DLGAP2: variants seen among roughly 807,000 people sequenced by gnomAD.
DLGAP2 encodes DLG associated protein 2.
A neutral mutation model predicts 100.3 loss-of-function variants in DLGAP2; 26 were observed. The ratio of observed to expected loss-of-function variants is 0.26; its 90% CI spans 0.19 to 0.36. The LOEUF is 0.36. Ranked by LOEUF, DLGAP2 falls within the 10% of genes least tolerant of loss-of-function variation. DLGAP2 has a pLI of 1.00. For missense variants in DLGAP2, 1,858 were observed against 1,453.2 expected (o/e 1.28, Z -4.53); for synonymous variants, 886 against 630.1 (o/e 1.41, Z -6.08).
intron 2 of DLGAP2, among the ~76,000 whole-genome samples, chr8:1,186,140 T>C (rs1043835650): frequency 6.6e-6 from 1 of 152,192 alleles, no homozygotes; most frequent in Non-Finnish European, 1.5e-5. Flanking sequence ...TTTGCGCCCT[T>C]GTCTGCGGGC....
chr8:1,274,642 C>G lies in DLGAP2; in HGVS notation c.106+15759C>G, dbSNP rs186530174. ...CTTTGGATTTGTTTTAGAACATAAA[C>G]CATAAAATGAGTGACTTTGGATTTG... On this transcript the variant is annotated intron_variant, in intron 3 of 14. Coordinates refer to ENST00000637795, the MANE Select transcript of DLGAP2 (RefSeq NM_001346810.2). 3.6e-4 allele frequency among the ~76,000 whole-genome samples: 52 copies of G among 144,838 alleles called. 1 individual carries two copies. Among genetic ancestry groups the G allele is most frequent in the African/African-American group, 1.0e-3 (40 of 39,178 alleles).
intron 2 of DLGAP2, among the ~76,000 whole-genome samples, chr8:1,001,147 C>G (rs1800944414): frequency 6.6e-6 from 1 of 152,168 alleles, no homozygotes; most frequent in Non-Finnish European, 1.5e-5. Context: ...GTGTGTGCCC[C>G]TTTTTCTTGT....
intron 3 of DLGAP2, among the ~76,000 whole-genome samples, chr8:1,467,748 G>A (rs1013952277): frequency 6.6e-6 from 1 of 152,182 alleles, no homozygotes; most frequent in Admixed American, 6.5e-5. Context: ...CTGCCAGTAA[G>A]GGGGGCAGAG....
At chr8:1,494,491 G>A (rs929269827) in intron 3 of DLGAP2, among the ~76,000 whole-genome samples, 8 of 152,212 alleles carry the variant, frequency 5.3e-5, no homozygotes, top group African/African-American at 1.9e-4. Flanking sequence ...AGCACTTTGG[G>A]AGGCCAAGGT....
At chr8:1,538,087 G>A (rs1396814420) in intron 4 of DLGAP2, among the ~76,000 whole-genome samples, 2 of 152,096 alleles carry the variant, frequency 1.3e-5, no homozygotes, top group Non-Finnish European at 2.9e-5. Flanking sequence ...TGCAGGGCTC[G>A]GGGCTGCTGA....
chr8:1,616,387 C>A (rs1797154981), intron 6 of DLGAP2, among the ~76,000 whole-genome samples: 1 of 151,812 alleles, frequency 6.6e-6, no homozygotes, highest in African/African-American at 2.4e-5. Flanking sequence ...ATCCACAGAC[C>A]CAAAATGCTC....
At chr8:1,170,806 C>G (rs1207739941) in intron 2 of DLGAP2, among the ~76,000 whole-genome samples, 3 of 146,302 alleles carry the variant, frequency 2.1e-5, no homozygotes, top group African/African-American at 7.5e-5. Flanking sequence ...AGCGGTCTAT[C>G]AATTTTGTGG....
intron 2 of DLGAP2, among the ~76,000 whole-genome samples, chr8:1,242,274 G>A (rs1451836307): frequency 1.3e-5 from 2 of 152,170 alleles, no homozygotes; most frequent in African/African-American, 4.8e-5. Context: ...AAAGGGGTTG[G>A]TTGTCAGACA....
intron 2 of DLGAP2, among the ~76,000 whole-genome samples, chr8:1,041,951 C>T (rs527476645): frequency 7.2e-5 from 11 of 152,332 alleles, no homozygotes; most frequent in East Asian, 1.9e-4. Context: ...TCTTTCTCCC[C>T]GGCTGTTTCA....
At chr8:1,042,406 A>C in intron 2 of DLGAP2, among the ~76,000 whole-genome samples, 1 of 152,210 alleles carries the variant, frequency 6.6e-6, no homozygotes, top group East Asian at 1.9e-4. Context: ...CTTAGGATTT[A>C]ACATCTGACC....
intron 6 of DLGAP2, among the ~76,000 whole-genome samples, chr8:1,607,581 GTGAGCGACGCAGAAGACGGGTGATTTC>G (rs1475649002): frequency 6.6e-6 from 1 of 152,220 alleles, no homozygotes; most frequent in Non-Finnish European, 1.5e-5. Context: ...ACTTCAGAGC[GTGAGCGACGCAGAAGACGGGTGATTTC>G]TGCATTTCCA....
intron 1 of DLGAP2, among the ~76,000 whole-genome samples, chr8:841,691 C>T (rs921562424): frequency 6.6e-6 from 1 of 152,114 alleles, no homozygotes; most frequent in Non-Finnish European, 1.5e-5. Context: ...AAGCGATTCT[C>T]CTGCCTCAGC....
At chr8:1,304,705 T>C (rs761547892) in intron 3 of DLGAP2, among the ~76,000 whole-genome samples, 14 of 152,258 alleles carry the variant, frequency 9.2e-5, no homozygotes, top group Non-Finnish European at 1.5e-4. Context: ...TGAAGGAAGA[T>C]GATCGACAAA....
chr8:1,480,304 A>G (rs1799056384), intron 3 of DLGAP2, among the ~76,000 whole-genome samples: 1 of 152,148 alleles, frequency 6.6e-6, no homozygotes, highest in African/African-American at 2.4e-5. Context: ...ATTTGTCTCC[A>G]GATTGTCTTG....
chr8:1,530,057 G>A (rs556759572), intron 4 of DLGAP2, among the ~76,000 whole-genome samples: 111 of 152,286 alleles, frequency 7.3e-4, no homozygotes, highest in South Asian at 3.9e-3. Flanking sequence ...ATGAAGTTTC[G>A]GGCACCACTG....
At chr8:1,504,253 A>T (rs1221634798) in intron 4 of DLGAP2, among the ~76,000 whole-genome samples, 1 of 151,522 alleles carries the variant, frequency 6.6e-6, no homozygotes, top group Non-Finnish European at 1.5e-5. Flanking sequence ...CTTTAAAAAT[A>T]TTTTTTCTAG....
At chr8:1,130,841 C>G (rs1274268899) in intron 2 of DLGAP2, among the ~76,000 whole-genome samples, 1 of 140,482 alleles carries the variant, frequency 7.1e-6, no homozygotes, top group Non-Finnish European at 1.6e-5. Flanking sequence ...ATGGGCCTCC[C>G]TGATGAGGGG....
intron 2 of DLGAP2, among the ~76,000 whole-genome samples, chr8:1,138,879 C>A (rs778614071): frequency 6.6e-6 from 1 of 151,876 alleles, no homozygotes; most frequent in Non-Finnish European, 1.5e-5. Context: ...TTTACTAGTC[C>A]TGGCCTGTGC....
chr8:1,250,196 C>G (rs1340284196), intron 2 of DLGAP2, among the ~76,000 whole-genome samples: 2 of 129,262 alleles, frequency 1.5e-5, no homozygotes, highest in Non-Finnish European at 3.2e-5. Flanking sequence ...TTAGGCTAAG[C>G]TCACTGTGAA....
Sources: allele counts gnomAD v4.1 joint callset (sites outside exome capture counted in the v4.1 genomes callset), GRCh38; gene constraint gnomAD v4.1.1; transcripts MANE v1.5; gene names NCBI Gene and HGNC (gene_info 2026-07-23, HGNC 2026-07-21).